The following HBS1L variants were observed in gnomAD, a reference collection of about 807,000 sequenced individuals.
HBS1L encodes the protein HBS1 like translational GTPase.
In HBS1L, 55 loss-of-function variants were observed where a neutral mutation model predicts 88.9. The ratio of observed to expected loss-of-function variants is 0.62; its 90% CI spans 0.50 to 0.77. The LOEUF (loss-of-function observed/expected upper bound fraction) is 0.77, where lower values mean the gene tolerates loss of function less well. HBS1L is among the 30% of genes least tolerant of loss of function. The probability of loss-of-function intolerance (pLI) is 0.00; values close to 1 mark genes in which losing one functional copy is unlikely to be tolerated. For synonymous variants in HBS1L, 267 were observed against 288.5 expected, an observed-to-expected ratio of 0.93 and a Z score of 0.76; for missense variants, 741 against 829.3, an observed-to-expected ratio of 0.89 and a Z score of 1.31.
At chr6:134,984,124 C>A (rs1360816529) in intron 12 of HBS1L, among the ~76,000 whole-genome samples, 1 of 152,104 alleles carries the variant, frequency 6.6e-6, no homozygotes, top group East Asian at 1.9e-4. Context: ...GTACAGTCAG[C>A]AAACACTGTT....
At chr6:135,000,266 GC>G (rs1181010189) in intron 5 of HBS1L, among the ~76,000 whole-genome samples, 3 of 134,144 alleles carry the variant, frequency 2.2e-5, no homozygotes, top group Non-Finnish European at 4.7e-5. Flanking sequence ...TCAATATATT[GC>G]CCGAGCTGGT....
intron 4 of HBS1L, chr6:135,036,809 G>C (rs1454751376): frequency 3.2e-6 from 5 of 1,551,732 alleles, no homozygotes; most frequent in Admixed American, 2.0e-5. Flanking sequence ...GTCCAAGAGA[G>C]AGAAAAAGGT....
intron 9 of HBS1L, 85 bp from the exon 10 acceptor site, chr6:134,986,895 G>C: frequency 2.0e-6 from 1 of 501,276 alleles, no homozygotes; most frequent in African/African-American, 2.0e-5. Context: ...ATATAATCAA[G>C]ACTATATAAA....
intron 4 of HBS1L, among the ~76,000 whole-genome samples, chr6:135,006,304 AGGT>A (rs1402789997): frequency 6.6e-6 from 1 of 152,240 alleles, no homozygotes; most frequent in African/African-American, 2.4e-5. Flanking sequence ...TTCTGATGAG[AGGT>A]AAAGCTCACG....
chr6:134,990,610 C>T (rs1387125992), intron 8 of HBS1L, among the ~76,000 whole-genome samples: 2 of 152,130 alleles, frequency 1.3e-5, no homozygotes, highest in Non-Finnish European at 2.9e-5. Flanking sequence ...GTCTCACTCC[C>T]TTCCCTCACG....
chr6:134,994,322 G>A (rs1056246788), intron 7 of HBS1L, among the ~76,000 whole-genome samples: 2 of 152,018 alleles, frequency 1.3e-5, no homozygotes, highest in African/African-American at 4.8e-5. Context: ...TTGCAAGGCT[G>A]GTTAATATGC....
At chr6:135,029,028 C>A (rs908647072) in intron 4 of HBS1L, among the ~76,000 whole-genome samples, 1 of 151,862 alleles carries the variant, frequency 6.6e-6, no homozygotes, top group Non-Finnish European at 1.5e-5. Flanking sequence ...AAAGGTACTA[C>A]AATAAATCCA....
At chr6:135,003,492 A>G (rs1318785794) in intron 4 of HBS1L, among the ~76,000 whole-genome samples, 1 of 151,224 alleles carries the variant, frequency 6.6e-6, no homozygotes, top group Admixed American at 6.6e-5. Context: ...GCTTGAGCCC[A>G]GGAGTTTAAG....
At chr6:134,983,788 A>G (rs984514436) in intron 12 of HBS1L, among the ~76,000 whole-genome samples, 1 of 152,116 alleles carries the variant, frequency 6.6e-6, no homozygotes, top group African/African-American at 2.4e-5. Context: ...GAAGACTAAG[A>G]AGAGGACTGA....
At chr6:135,029,980 A>G (rs1362900311) in intron 4 of HBS1L, among the ~76,000 whole-genome samples, 2 of 152,226 alleles carry the variant, frequency 1.3e-5, no homozygotes, top group East Asian at 1.9e-4. Context: ...GTGTATTTAC[A>G]GTGGCTTCCT....
chr6:135,045,911 C>T (rs912638685), intron 2 of HBS1L, among the ~76,000 whole-genome samples: 1 of 152,138 alleles, frequency 6.6e-6, no homozygotes, highest in Non-Finnish European at 1.5e-5. Context: ...AACTACAAGT[C>T]TCCCCTTTAT....
At chr6:135,001,484 T>C (rs79577353) in intron 5 of HBS1L, among the ~76,000 whole-genome samples, 2,057 of 138,862 alleles carry the variant, frequency 0.015, 51 homozygotes, top group African/African-American at 0.054. Context: ...ATTTCCCCCC[T>C]CTCTCTCTCT....
At chr6:134,967,106 C>T (rs1583052485) in intron 16 of HBS1L, among the ~76,000 whole-genome samples, 1 of 152,156 alleles carries the variant, frequency 6.6e-6, no homozygotes, top group East Asian at 1.9e-4. Context: ...TGAAGGAAGA[C>T]AGGGCATGGA....
chr6:135,002,111 C>T (rs1775478667), intron 5 of HBS1L, among the ~76,000 whole-genome samples: 1 of 151,802 alleles, frequency 6.6e-6, no homozygotes, highest in South Asian at 2.1e-4. Flanking sequence ...AAATTAATGG[C>T]TTTAAAGCAA....
intron 15 of HBS1L, among the ~76,000 whole-genome samples, chr6:134,973,054 C>T (rs1774535954): frequency 6.6e-6 from 1 of 152,180 alleles, no homozygotes; most frequent in South Asian, 2.1e-4. Flanking sequence ...AAAAGTTAAA[C>T]ACAGAATTAC....
intron 5 of HBS1L, 109 bp downstream of exon 5, chr6:135,002,625 C>G: frequency 1.6e-6 from 1 of 640,854 alleles, no homozygotes; most frequent in Non-Finnish European, 2.8e-6. Context: ...TACTTCAGTG[C>G]TAATGATATA....
chr6:134,995,062 C>T (rs764570438), intron 7 of HBS1L, among the ~76,000 whole-genome samples: 13 of 150,228 alleles, frequency 8.7e-5, no homozygotes, highest in Non-Finnish European at 1.3e-4. Context: ...GCTAAAGTGA[C>T]GCTTAATTCT....
chr6:134,990,357 T>C (rs1775097334), intron 8 of HBS1L, among the ~76,000 whole-genome samples: 1 of 152,178 alleles, frequency 6.6e-6, no homozygotes. Context: ...TGTTAGTCTT[T>C]CCACTTCACA....
At chr6:134,969,521 A>C (rs1294740296) in intron 15 of HBS1L, among the ~76,000 whole-genome samples, 183 bp from the exon 16 acceptor site, 1 of 152,174 alleles carries the variant, frequency 6.6e-6, no homozygotes, top group Non-Finnish European at 1.5e-5. Context: ...TAAGAGGAAA[A>C]AAGTCATGAG....
Sources: gnomAD v4.1 joint callset for allele counts (sites outside exome capture counted in the v4.1 genomes callset) on GRCh38, gnomAD v4.1.1 for gene constraint, MANE v1.5 for transcripts, NCBI Gene and HGNC (gene_info 2026-07-23, HGNC 2026-07-21) for gene names.